CTNNA3: variants seen among roughly 807,000 people sequenced by gnomAD.
The protein encoded by CTNNA3 is catenin alpha 3, also known as catenin alpha-3.
CTNNA3 carries 76 observed loss-of-function variants against 95.7 expected under a neutral mutation model. The observed-to-expected ratio is 0.79, with a 90% CI of 0.66 to 0.96. CTNNA3 has a LOEUF of 0.96. CTNNA3 is among the 40% of genes least tolerant of loss of function. The pLI is 0.00. For missense variants in CTNNA3, 1,191 were observed against 1,089.8 expected, an observed-to-expected ratio of 1.09 and a Z score of -1.31; for synonymous variants, 431 against 374.4, an observed-to-expected ratio of 1.15 and a Z score of -1.74.
chr10:67,655,851 C>G (rs1320209724), intron 1 of CTNNA3, among the ~76,000 whole-genome samples: 1 of 151,032 alleles, frequency 6.6e-6, no homozygotes, highest in African/African-American at 2.4e-5. Context: ...TCTCCCCCAT[C>G]ACCATGCCTC....
intron 7 of CTNNA3, among the ~76,000 whole-genome samples, chr10:66,904,586 C>G (rs1845902889): frequency 6.6e-6 from 1 of 152,100 alleles, no homozygotes. Flanking sequence ...AGACAAGCTA[C>G]AGAATGGGAG....
chr10:66,957,140 T>C (rs568287707), intron 7 of CTNNA3, among the ~76,000 whole-genome samples: 50 of 152,234 alleles, frequency 3.3e-4, no homozygotes, highest in Admixed American at 1.8e-3. Flanking sequence ...AAACAGGTTA[T>C]GTGAAGTCTT....
At chr10:67,249,850 C>T (rs1395726433) in intron 5 of CTNNA3, among the ~76,000 whole-genome samples, 2 of 152,094 alleles carry the variant, frequency 1.3e-5, no homozygotes, top group Non-Finnish European at 2.9e-5. Flanking sequence ...ACCTAACATG[C>T]ACATCTTTAG....
chr10:66,901,782 G>A (rs898330945), intron 7 of CTNNA3, among the ~76,000 whole-genome samples: 1 of 152,116 alleles, frequency 6.6e-6, no homozygotes, highest in Non-Finnish European at 1.5e-5. Context: ...AGACAAAGAA[G>A]GCCATTACAT....
At chr10:67,320,399 CA>C (rs1401924079) in intron 5 of CTNNA3, among the ~76,000 whole-genome samples, 1 of 152,138 alleles carries the variant, frequency 6.6e-6, no homozygotes, top group Non-Finnish European at 1.5e-5. Context: ...AATCAAAAAA[CA>C]ATGTGCAAAG....
intron 13 of CTNNA3, among the ~76,000 whole-genome samples, chr10:66,253,679 T>A (rs1021353901): frequency 6.6e-6 from 1 of 152,144 alleles, no homozygotes; most frequent in Non-Finnish European, 1.5e-5. Flanking sequence ...GTTCAAGATA[T>A]GTCTTTGTGG....
Position 65,920,280 on chromosome 10 carries a change from G to A in CTNNA3, c.*50C>T. On this transcript the variant is annotated 3_prime_UTR_variant, in exon 18 of 18. Coordinates refer to ENST00000433211, the MANE Select transcript of CTNNA3 (RefSeq NM_013266.4). The stretch of plus-strand genomic sequence containing the variant: ...CTTCTTAAGTGTAAAATAAAGCAGT[G>A]TGGTTAGGCAGGATTTTGTCATATA... 1 of 1,460,426 alleles carries A rather than the reference G, an allele frequency of 6.8e-7. No homozygotes were observed. The allele number at this position is 1,460,426 out of a possible 1,614,324, so 90.5% of individuals were successfully genotyped here.
At chr10:66,582,612 A>G (rs771752827) in intron 10 of CTNNA3, among the ~76,000 whole-genome samples, 7 of 151,818 alleles carry the variant, frequency 4.6e-5, no homozygotes, top group Non-Finnish European at 1.0e-4. Flanking sequence ...ATGTTTTACA[A>G]ATCGAATGCC....
chr10:67,005,597 A>T (rs1207081755), intron 7 of CTNNA3, among the ~76,000 whole-genome samples: 1 of 151,720 alleles, frequency 6.6e-6, no homozygotes, highest in Non-Finnish European at 1.5e-5. Context: ...GAATCGGAAA[A>T]AAAGGTATGT....
chr10:67,082,700 C>A (rs1285793494), intron 7 of CTNNA3, among the ~76,000 whole-genome samples: 1 of 152,130 alleles, frequency 6.6e-6, no homozygotes, highest in Non-Finnish European at 1.5e-5. Context: ...CCTAAAGATA[C>A]ATCCTTTTTT....
chr10:66,093,088 A>G (rs1248295734), intron 14 of CTNNA3, among the ~76,000 whole-genome samples: 1 of 151,976 alleles, frequency 6.6e-6, no homozygotes, highest in Non-Finnish European at 1.5e-5. Context: ...GATATTTGGT[A>G]AAAATCTTTC....
intron 2 of CTNNA3, among the ~76,000 whole-genome samples, chr10:67,637,699 G>A (rs1317079859): frequency 6.6e-6 from 1 of 152,142 alleles, no homozygotes; most frequent in East Asian, 1.9e-4. Context: ...AAGAGAGTGG[G>A]GGCCAATATT....
rs573333976 is a variant in CTNNA3, at chr10:67,041,893, T to C, written c.1047+138424A>G. Among the ~76,000 whole-genome samples the C allele has an allele frequency of 2.8e-4, 42 of 152,240 alleles. No individual in the cohort carries two copies. The South Asian group carries it at 8.3e-3, about 30-fold the overall frequency. ...AATGATTCATTCTCCCCCTGTGGGA[T>C]TGGGATCACATTCATAAAAGCAATT... On this transcript the variant is annotated intron_variant, in intron 7 of 17. Coordinates refer to ENST00000433211, the MANE Select transcript of CTNNA3 (RefSeq NM_013266.4).
intron 15 of CTNNA3, among the ~76,000 whole-genome samples, chr10:65,995,548 G>C (rs571897886): frequency 7.2e-5 from 11 of 152,204 alleles, no homozygotes; most frequent in African/African-American, 2.4e-4. Flanking sequence ...GGCCAAGCAT[G>C]CCTGTCTTTG....
At chr10:67,201,463 ATTAT>A (rs1564967803) in intron 6 of CTNNA3, among the ~76,000 whole-genome samples, 1 of 150,680 alleles carries the variant, frequency 6.6e-6, no homozygotes, top group East Asian at 1.9e-4. Flanking sequence ...TTTTTTTTTT[ATTAT>A]TTTTTTATTA....
chr10:66,651,672 G>A (rs1303844879), intron 9 of CTNNA3, among the ~76,000 whole-genome samples: 2 of 116,012 alleles, frequency 1.7e-5, no homozygotes, highest in African/African-American at 2.7e-5. Context: ...GCACTGCTGG[G>A]GGACCCAGCG....
chr10:66,328,937 C>G (rs373347722), intron 12 of CTNNA3, among the ~76,000 whole-genome samples: 2 of 58,404 alleles, frequency 3.4e-5, no homozygotes, highest in Non-Finnish European at 8.9e-5. Flanking sequence ...TATATATACA[C>G]ACACACATAT....
intron 7 of CTNNA3, among the ~76,000 whole-genome samples, chr10:66,981,220 G>A (rs1394619080): frequency 6.6e-6 from 1 of 152,106 alleles, no homozygotes; most frequent in Non-Finnish European, 1.5e-5. Context: ...AGTTTTTCTA[G>A]TAGTTTATTC....
intron 7 of CTNNA3, among the ~76,000 whole-genome samples, chr10:66,882,711 A>G (rs1270889519): frequency 1.3e-5 from 2 of 152,168 alleles, no homozygotes; most frequent in Non-Finnish European, 2.9e-5. Context: ...GAGCAAAGCA[A>G]GAATAATAAA....
Sources: gnomAD v4.1 joint callset for allele counts (sites outside exome capture counted in the v4.1 genomes callset) on GRCh38, gnomAD v4.1.1 for gene constraint, MANE v1.5 for transcripts, NCBI Gene and HGNC (gene_info 2026-07-23, HGNC 2026-07-21) for gene names.